The following MYO1D variants were observed in gnomAD, a reference collection of about 807,000 sequenced individuals.
MYO1D encodes unconventional myosin-Id.
Under a neutral mutation model 122.0 loss-of-function variants are expected in MYO1D, and 83 were observed. The ratio of observed to expected loss-of-function variants is 0.68; its 90% CI spans 0.57 to 0.82. The LOEUF (loss-of-function observed/expected upper bound fraction) is 0.82. Among genes scored for constraint, MYO1D ranks in the 40% least tolerant of loss-of-function variants. The pLI is 0.00. For synonymous variants in MYO1D, 464 were observed against 446.9 expected (o/e 1.04, Z -0.48); for missense variants, 1,157 against 1,269.5 (o/e 0.91, Z 1.35).
intron 1 of MYO1D, among the ~76,000 whole-genome samples, chr17:32,847,179 T>A (rs1198306619): frequency 6.6e-6 from 1 of 152,206 alleles, no homozygotes; most frequent in Non-Finnish European, 1.5e-5. Flanking sequence ...GAATTCTTCA[T>A]ACATGGCATG....
intron 1 of MYO1D, among the ~76,000 whole-genome samples, chr17:32,793,566 T>A (rs904662872): frequency 6.6e-6 from 1 of 152,156 alleles, no homozygotes; most frequent in Admixed American, 6.5e-5. Flanking sequence ...ACTTCTTGGT[T>A]TACACTTTCT....
chr17:32,804,759 A>G (rs370939728), intron 1 of MYO1D, among the ~76,000 whole-genome samples: 18 of 152,260 alleles, frequency 1.2e-4, no homozygotes, highest in African/African-American at 4.3e-4. Context: ...TTGGTCTGTG[A>G]TAAGTAAGGA....
At chr17:32,638,971 A>C in intron 19 of MYO1D, 136 bp from the exon 20 acceptor site, 1 of 599,344 alleles carries the variant, frequency 1.7e-6, no homozygotes, top group South Asian at 2.1e-5. Context: ...ATTTAAAAGG[A>C]GTAGCTGTTC....
chr17:32,660,575 C>T (rs2640836), intron 16 of MYO1D, among the ~76,000 whole-genome samples: 14,931 of 152,202 alleles, frequency 0.098, 912 homozygotes, highest in Middle Eastern at 0.2. Context: ...TTGCACACTA[C>T]GTGCAAGAAG....
chr17:32,747,741 A>G (rs2151008397), intron 12 of MYO1D, among the ~76,000 whole-genome samples: 1 of 152,080 alleles, frequency 6.6e-6, no homozygotes, highest in South Asian at 2.1e-4. Context: ...GGAGGCTGAG[A>G]CAGGAGACTT....
chr17:32,542,436 T>A (rs1910863269), intron 21 of MYO1D, among the ~76,000 whole-genome samples: 1 of 152,138 alleles, frequency 6.6e-6, no homozygotes, highest in African/African-American at 2.4e-5. Flanking sequence ...GGCTGTCTTG[T>A]GACACTGGTG....
chr17:32,519,503 G>A (rs1309771846), intron 21 of MYO1D, among the ~76,000 whole-genome samples: 1 of 151,964 alleles, frequency 6.6e-6, no homozygotes, highest in Non-Finnish European at 1.5e-5. Context: ...CTGCGGCTTC[G>A]AGCGCGACGC....
intron 16 of MYO1D, among the ~76,000 whole-genome samples, chr17:32,665,212 C>T (rs545627776): frequency 4.6e-5 from 7 of 152,242 alleles, no homozygotes; most frequent in African/African-American, 1.4e-4. Flanking sequence ...CCCCGCCCCC[C>T]GACCCGCCCA....
chr17:32,789,569 A>G (rs1039609089), intron 1 of MYO1D, among the ~76,000 whole-genome samples: 7 of 152,242 alleles, frequency 4.6e-5, no homozygotes, highest in Non-Finnish European at 1.0e-4. Flanking sequence ...CCCAAAAGAT[A>G]CACTGAAATC....
intron 16 of MYO1D, among the ~76,000 whole-genome samples, chr17:32,670,472 A>T (rs1182781064): frequency 6.6e-6 from 1 of 152,182 alleles, no homozygotes; most frequent in African/African-American, 2.4e-5. Flanking sequence ...ACAAGCATTG[A>T]TAGAGGCAGG....
intron 10 of MYO1D, among the ~76,000 whole-genome samples, chr17:32,757,207 C>A (rs1047449053): frequency 1.3e-5 from 2 of 152,092 alleles, no homozygotes; most frequent in African/African-American, 2.4e-5. Context: ...TCTTCTGTAT[C>A]TTATGGACTG....
At chr17:32,614,937 T>C (rs1237986425) in intron 20 of MYO1D, among the ~76,000 whole-genome samples, 1 of 152,218 alleles carries the variant, frequency 6.6e-6, no homozygotes, top group Non-Finnish European at 1.5e-5. Context: ...CTCCAGTGAT[T>C]CCAACTCTCA....
intron 1 of MYO1D, among the ~76,000 whole-genome samples, chr17:32,784,795 G>A (rs1028940050): frequency 4.6e-5 from 7 of 152,114 alleles, no homozygotes; most frequent in African/African-American, 1.7e-4. Context: ...CAGACTACAT[G>A]CACAACCCCA....
At chr17:32,867,437 AAG>A (rs1454335890) in intron 1 of MYO1D, among the ~76,000 whole-genome samples, 8 of 152,286 alleles carry the variant, frequency 5.3e-5, no homozygotes, top group African/African-American at 1.9e-4. Flanking sequence ...CTATCCCTCA[AAG>A]AGTAACTTTA....
intron 1 of MYO1D, among the ~76,000 whole-genome samples, chr17:32,830,651 A>G (rs1235565162): frequency 6.6e-6 from 1 of 152,224 alleles, no homozygotes; most frequent in Non-Finnish European, 1.5e-5. Flanking sequence ...ATAAGCAGAA[A>G]AAACTCTGGG....
At chr17:32,766,379 T>C (rs1444737001) in intron 7 of MYO1D, among the ~76,000 whole-genome samples, 1 of 152,192 alleles carries the variant, frequency 6.6e-6, no homozygotes, top group African/African-American at 2.4e-5. Context: ...TTACTATCAT[T>C]TTAAGTTTGG....
chr17:32,764,163 C>T (rs372972853), intron 8 of MYO1D, among the ~76,000 whole-genome samples: 70 of 152,196 alleles, frequency 4.6e-4, no homozygotes, highest in Non-Finnish European at 8.5e-4. Flanking sequence ...GTGAAATAAG[C>T]CAGGCACAAA....
At chr17:32,634,885 G>A (rs542341089) in intron 20 of MYO1D, among the ~76,000 whole-genome samples, 10 of 152,302 alleles carry the variant, frequency 6.6e-5, no homozygotes, top group South Asian at 2.1e-4. Flanking sequence ...AATATTCAGC[G>A]TGATCTGTGA....
In MYO1D at chr17:32,778,497, C is replaced by T; in HGVS notation, c.381G>A (p.Gln127=). 1 of 1,613,590 alleles carries T rather than the reference C, an allele frequency of 6.2e-7. No individual in the cohort carries two copies. The highest frequency in any genetic ancestry group is 8.5e-7 in the Non-Finnish European group (1 of 1,179,492). The part of the protein sequence containing the change: ...QYIAAITNPS[Q]RAEVERVKNM... ...GCTCTTACCTTTCAACCTCTGCTCT[C>T]TGACTGGGGTTGGTGATGGCCGCAA... The change falls in exon 3 of 22, where the codon CAG becomes CAA. Residue 127 remains glutamine (Q), a synonymous_variant. Coordinates refer to ENST00000318217, the MANE Select transcript of MYO1D (RefSeq NM_015194.3).
Sources: gnomAD v4.1 joint callset for allele counts (sites outside exome capture counted in the v4.1 genomes callset) on GRCh38, gnomAD v4.1.1 for gene constraint, MANE v1.5 for transcripts, NCBI Gene and HGNC (gene_info 2026-07-23, HGNC 2026-07-21) for gene names.